The following DPP6 variants were observed in gnomAD, a reference collection of about 807,000 sequenced individuals.
DPP6 encodes A-type potassium channel modulatory protein DPP6.
A neutral mutation model predicts 122.6 loss-of-function variants in DPP6; 69 were observed. The ratio of observed to expected loss-of-function variants is 0.56; its 90% confidence interval spans 0.46 to 0.69. The LOEUF is 0.69. Ranked by LOEUF, DPP6 falls within the 30% of genes least tolerant of loss-of-function variation. The pLI, the probability that DPP6 is intolerant of heterozygous loss-of-function variation, is 0.00. For missense variants in DPP6, 928 were observed against 1,116.9 expected, an observed-to-expected ratio of 0.83 and a Z score of 2.41; for synonymous variants, 418 against 433.1, an observed-to-expected ratio of 0.97 and a Z score of 0.43.
the DPP6 span, among the ~76,000 whole-genome samples, chr7:153,875,840 T>G: frequency 1.3e-5 from 2 of 149,226 alleles, no homozygotes; most frequent in Middle Eastern, 3.5e-3. Flanking sequence ...GATTGAATAC[T>G]CAGATTAAAA....
chr7:154,163,445 T>A (rs1797080094), intron 1 of DPP6, among the ~76,000 whole-genome samples: 1 of 152,240 alleles, frequency 6.6e-6, no homozygotes. Flanking sequence ...ATCTTTAGTA[T>A]CTTCAGTTTC....
chr7:154,704,151 G>C (rs2131276570), intron 7 of DPP6, among the ~76,000 whole-genome samples: 1 of 152,298 alleles, frequency 6.6e-6, no homozygotes, highest in South Asian at 2.1e-4. Flanking sequence ...TAATCTTTGA[G>C]AGATTCAAGA....
At chr7:154,770,652 T>G (rs1796198012) in intron 9 of DPP6, among the ~76,000 whole-genome samples, 1 of 152,168 alleles carries the variant, frequency 6.6e-6, no homozygotes, top group Non-Finnish European at 1.5e-5. Flanking sequence ...GCCAGTCAGT[T>G]TATGGTGTTT....
At chr7:154,298,259 T>A (rs1028163126) in intron 1 of DPP6, among the ~76,000 whole-genome samples, 1 of 95,756 alleles carries the variant, frequency 1.0e-5, no homozygotes, top group African/African-American at 3.8e-5. Context: ...AAAATCTGTC[T>A]CTCTCTCTCC....
chr7:154,306,683 G>T (rs1046882984), intron 1 of DPP6, among the ~76,000 whole-genome samples: 43 of 152,160 alleles, frequency 2.8e-4, no homozygotes, highest in Non-Finnish European at 8.8e-5. Context: ...ATCGATAAAA[G>T]GGGGCCATTT....
At chr7:154,823,413 A>G (rs1007886402) in intron 16 of DPP6, among the ~76,000 whole-genome samples, 5 of 152,168 alleles carry the variant, frequency 3.3e-5, no homozygotes, top group African/African-American at 9.7e-5. Context: ...TTTACACCCT[A>G]TACTTAATGC....
At chr7:153,925,535 C>G (rs1166640657) in intron 1 of DPP6, among the ~76,000 whole-genome samples, 1 of 151,584 alleles carries the variant, frequency 6.6e-6, no homozygotes, top group Non-Finnish European at 1.5e-5. Flanking sequence ...GGTGGAGGGT[C>G]CCCGAGGTTC....
At chr7:153,898,745 C>A (rs1022531225) in intron 1 of DPP6, among the ~76,000 whole-genome samples, 1 of 152,108 alleles carries the variant, frequency 6.6e-6, no homozygotes, top group Non-Finnish European at 1.5e-5. Context: ...TGTTAATTGG[C>A]AAACAGGGGC....
intron 6 of DPP6, among the ~76,000 whole-genome samples, chr7:154,664,725 A>G (rs1484157213): frequency 1.3e-5 from 2 of 150,000 alleles, no homozygotes; most frequent in African/African-American, 4.9e-5. Context: ...CTGACTTTTC[A>G]TTCCTATTTA....
intron 1 of DPP6, among the ~76,000 whole-genome samples, chr7:154,291,996 C>T (rs906824961): frequency 1.3e-5 from 2 of 151,976 alleles, no homozygotes; most frequent in African/African-American, 2.4e-5. Flanking sequence ...ATGAGGGGGA[C>T]GTCTGAAAGC....
chr7:154,151,878 G>A (rs1314159119), intron 1 of DPP6, among the ~76,000 whole-genome samples: 4 of 151,814 alleles, frequency 2.6e-5, no homozygotes, highest in Admixed American at 6.6e-5. Flanking sequence ...TGAGGAGGCA[G>A]GCATGCTTTT....
At chr7:154,341,401 G>A (rs933591554) in intron 1 of DPP6, among the ~76,000 whole-genome samples, 3 of 152,000 alleles carry the variant, frequency 2.0e-5, no homozygotes, top group African/African-American at 7.2e-5. Context: ...CATTTATTCA[G>A]GTTTTAGAAA....
At chr7:154,473,199 TATTAG>T (rs1260055953) in intron 2 of DPP6, among the ~76,000 whole-genome samples, 1 of 152,234 alleles carries the variant, frequency 6.6e-6, no homozygotes, top group African/African-American at 2.4e-5. Flanking sequence ...AGTGTAACTT[TATTAG>T]ATTAATGTCT....
intron 1 of DPP6, among the ~76,000 whole-genome samples, chr7:154,223,493 G>A (rs139160729): frequency 6.7e-6 from 1 of 149,464 alleles, no homozygotes; most frequent in African/African-American, 2.5e-5. Context: ...AGGAGTTGGT[G>A]GGAGATGCTG....
intron 1 of DPP6, among the ~76,000 whole-genome samples, chr7:154,230,851 T>C (rs980883163): frequency 2.6e-5 from 4 of 152,210 alleles, no homozygotes; most frequent in African/African-American, 9.6e-5. Context: ...AAGAGTAGAA[T>C]TAAAGTAAAA....
intron 8 of DPP6, among the ~76,000 whole-genome samples, chr7:154,741,370 G>A (rs1255113169): frequency 6.6e-6 from 1 of 152,168 alleles, no homozygotes; most frequent in African/African-American, 2.4e-5. Flanking sequence ...TCAGGCCTAC[G>A]ATTAGCCCCT....
intron 12 of DPP6, among the ~76,000 whole-genome samples, chr7:154,798,486 T>G (rs1038793314): frequency 1.3e-5 from 2 of 152,254 alleles, no homozygotes; most frequent in African/African-American, 4.8e-5. Context: ...TTTAAAGCAT[T>G]TACTAAGCAC....
chr7:154,304,551 A>C (rs896893520), intron 1 of DPP6, among the ~76,000 whole-genome samples: 1 of 150,256 alleles, frequency 6.7e-6, no homozygotes, highest in African/African-American at 2.5e-5. Flanking sequence ...TAAGGTCATC[A>C]CACAGGCTGG....
the DPP6 span, among the ~76,000 whole-genome samples, chr7:153,768,703 T>C: frequency 2.6e-5 from 4 of 152,198 alleles, no homozygotes; most frequent in Non-Finnish European, 2.9e-5. Context: ...ATCTGTCTTT[T>C]GAAAAAATGA....
Sources: gnomAD v4.1 joint callset for allele counts (sites outside exome capture counted in the v4.1 genomes callset) on GRCh38, gnomAD v4.1.1 for gene constraint, MANE v1.5 for transcripts, NCBI Gene and HGNC (gene_info 2026-07-23, HGNC 2026-07-21) for gene names.